The following VAV3 variants were observed in gnomAD, a reference collection of about 807,000 sequenced individuals.
The protein encoded by VAV3 is vav guanine nucleotide exchange factor 3, also known as guanine nucleotide exchange factor VAV3.
VAV3 carries 94 observed loss-of-function variants against 131.2 expected under a neutral mutation model. That is an observed-to-expected ratio of 0.72 (90% CI 0.61 to 0.85). VAV3 has a LOEUF of 0.85. Among genes scored for constraint, VAV3 ranks in the 40% least tolerant of loss-of-function variants. The pLI is 0.00. For synonymous variants in VAV3, 349 were observed against 342.0 expected, an observed-to-expected ratio of 1.02 and a Z score of -0.22; for missense variants, 939 against 1,002.7, an observed-to-expected ratio of 0.94 and a Z score of 0.86.
At chr1:107,931,285 G>A (rs1222938200) in intron 1 of VAV3, among the ~76,000 whole-genome samples, 5 of 152,134 alleles carry the variant, frequency 3.3e-5, no homozygotes, top group African/African-American at 4.8e-5. Context: ...ATATCAAAGC[G>A]TGTAAGGACA....
intron 25 of VAV3, among the ~76,000 whole-genome samples, chr1:107,593,241 C>A (rs1312700882): frequency 6.6e-6 from 1 of 152,096 alleles, no homozygotes; most frequent in Non-Finnish European, 1.5e-5. Flanking sequence ...ATAGTCCTGT[C>A]ATAATCTTAT....
Position 107,770,660 on chromosome 1 carries a change from T to C in VAV3, c.624A>G (p.Thr208=), listed in dbSNP as rs374949913. The part of the protein sequence containing the change: ...AEIKQTEEKY[T]ETLESIEKYF... ...CCTTTTCTATTGACTCCAAAGTTTCTGTATATTTTTCTTCTGTCTGCTTAA... is the reference window on the plus strand; with the variant it reads ...CCTTTTCTATTGACTCCAAAGTTTCCGTATATTTTTCTTCTGTCTGCTTAA... Residue 208 remains threonine (T), a synonymous_variant, in exon 6 of 27, where the codon ACA becomes ACG. Coordinates refer to ENST00000370056, the MANE Select transcript of VAV3 (RefSeq NM_006113.5). 4.3e-6 allele frequency: 7 copies of C among 1,611,718 alleles called. No homozygotes were observed. The Middle Eastern group carries it at 6.6e-4, about 152-fold the overall frequency.
intron 19 of VAV3, among the ~76,000 whole-genome samples, chr1:107,668,250 T>C (rs920628335): frequency 6.6e-6 from 1 of 152,218 alleles, no homozygotes; most frequent in Non-Finnish European, 1.5e-5. Context: ...GTGCACTGAT[T>C]TAATGAATGC....
intron 20 of VAV3, among the ~76,000 whole-genome samples, chr1:107,640,499 G>A (rs1177666040): frequency 6.6e-6 from 1 of 152,152 alleles, no homozygotes; most frequent in Non-Finnish European, 1.5e-5. Context: ...GCATGATGGA[G>A]GGATTACCAA....
Position 107,753,542 on chromosome 1 carries a change from A to ATG in VAV3, c.1173+1884_1173+1885insCA, listed in dbSNP as rs1570899027. 2.3e-4 allele frequency among the ~76,000 whole-genome samples: 23 copies of ATG among 100,072 alleles called. No individual in the cohort carries two copies. The East Asian group carries it at 5.5e-3, about 24-fold the overall frequency. 65.7% of individuals were successfully genotyped at this position (100,072 alleles called of 152,430 possible). On this transcript the variant is annotated intron_variant, in intron 12 of 26. Coordinates refer to ENST00000370056, the MANE Select transcript of VAV3 (RefSeq NM_006113.5). ...TATATATATACGTATATATATATAT[A>ATG]TATATATACACACACACACTTTTTT...
intron 17 of VAV3, among the ~76,000 whole-genome samples, chr1:107,691,675 T>C (rs1456670117): frequency 4.6e-5 from 7 of 152,192 alleles, no homozygotes; most frequent in Non-Finnish European, 1.5e-5. Flanking sequence ...GATCAAACTA[T>C]AAAACATTCT....
At chr1:107,825,823 T>C (rs1478081372) in intron 2 of VAV3, among the ~76,000 whole-genome samples, 1 of 152,214 alleles carries the variant, frequency 6.6e-6, no homozygotes, top group East Asian at 1.9e-4. Flanking sequence ...CTTTTGGATT[T>C]ATCTGGACAA....
intron 2 of VAV3, among the ~76,000 whole-genome samples, chr1:107,842,723 AT>A (rs1305462827): frequency 6.6e-6 from 1 of 151,956 alleles, no homozygotes; most frequent in Non-Finnish European, 1.5e-5. Context: ...ATTTTTACGC[AT>A]TTTAATTTTT....
At chr1:107,706,027 C>T (rs1186757257) in intron 15 of VAV3, among the ~76,000 whole-genome samples, 2 of 152,026 alleles carry the variant, frequency 1.3e-5, no homozygotes, top group Non-Finnish European at 2.9e-5. Context: ...ATTTAGGTTG[C>T]TGCAAAAGTA....
At chr1:107,937,104 A>C (rs1033485672) in intron 1 of VAV3, among the ~76,000 whole-genome samples, 4 of 152,188 alleles carry the variant, frequency 2.6e-5, no homozygotes, top group African/African-American at 9.7e-5. Context: ...CCCCAAAAAA[A>C]CAGCTCCATC....
At chr1:107,664,338 T>TCCC (rs1553183598) in intron 19 of VAV3, among the ~76,000 whole-genome samples, 2 of 150,462 alleles carry the variant, frequency 1.3e-5, no homozygotes, top group African/African-American at 2.5e-5. Flanking sequence ...TTCCTGATGC[T>TCCC]CTCCCTCCCC....
intron 19 of VAV3, among the ~76,000 whole-genome samples, chr1:107,657,904 C>A (rs1260141902): frequency 6.6e-6 from 1 of 152,132 alleles, no homozygotes; most frequent in Non-Finnish European, 1.5e-5. Flanking sequence ...AGAGAAATTG[C>A]TAACTAATTG....
intron 19 of VAV3, among the ~76,000 whole-genome samples, chr1:107,676,104 T>C (rs937607385): frequency 6.6e-6 from 1 of 152,208 alleles, no homozygotes; most frequent in Non-Finnish European, 1.5e-5. Flanking sequence ...ATAATAGATG[T>C]ACATTTTAAT....
rs540108547 is a variant in VAV3 at position 107,908,331 on chromosome 1, C to G, written c.205-33314G>C. Among the ~76,000 whole-genome samples the G allele has an allele frequency of 1.4e-4, 21 of 152,292 alleles. No individual in the cohort carries two copies. In the East Asian group the frequency reaches 3.9e-3, roughly 28 times the overall value. On this transcript the variant is annotated intron_variant, in intron 1 of 26. Transcript: ENST00000370056. ...TCACCCACTGTAGGGCTATAGGTGG[C>G]TGATATCATAGGTGGTGGCTTCCTA...
chr1:107,637,306 T>A (rs987465962), intron 20 of VAV3, among the ~76,000 whole-genome samples: 1 of 152,142 alleles, frequency 6.6e-6, no homozygotes. Context: ...AATAGCCATA[T>A]GTTTGTTTTA....
intron 1 of VAV3, among the ~76,000 whole-genome samples, chr1:107,909,795 T>G (rs1257938820): frequency 6.6e-6 from 1 of 152,190 alleles, no homozygotes; most frequent in Non-Finnish European, 1.5e-5. Flanking sequence ...GTTCTTTAAT[T>G]GTGTTATCTT....
intron 16 of VAV3, 151 bp downstream of exon 16, chr1:107,704,809 G>A (rs1235279181): frequency 7.0e-6 from 7 of 1,003,810 alleles, no homozygotes; most frequent in Non-Finnish European, 1.0e-5. Flanking sequence ...GGACTGTCCA[G>A]GCAGAAAGCC....
chr1:107,872,696 T>C (rs1280527795), intron 2 of VAV3, among the ~76,000 whole-genome samples: 1 of 152,190 alleles, frequency 6.6e-6, no homozygotes, highest in Non-Finnish European at 1.5e-5. Context: ...GTACACGTTA[T>C]GTGCTATGTG....
intron 4 of VAV3, 66 bp from the exon 5 acceptor site, chr1:107,772,909 C>A: frequency 7.6e-7 from 1 of 1,317,322 alleles, no homozygotes; most frequent in Non-Finnish European, 1.1e-6. Context: ...CTACAAATAG[C>A]CTACTGGATT....
Sources: allele counts gnomAD v4.1 joint callset (sites outside exome capture counted in the v4.1 genomes callset), GRCh38; gene constraint gnomAD v4.1.1; transcripts MANE v1.5; gene names NCBI Gene and HGNC (gene_info 2026-07-23, HGNC 2026-07-21).